Variants in RSPO2 observed in about 807,000 individuals in gnomAD.
RSPO2 encodes R-spondin 2.
RSPO2 carries 14 observed loss-of-function variants against 30.9 expected under a neutral mutation model. The ratio of observed to expected loss-of-function variants is 0.45; its 90% CI spans 0.30 to 0.71. The LOEUF (loss-of-function observed/expected upper bound fraction) is 0.71, where lower values mean the gene tolerates loss of function less well. RSPO2 is among the 30% of genes least tolerant of loss of function. RSPO2 has a pLI of 0.08. For synonymous variants in RSPO2, 107 were observed against 96.4 expected (o/e 1.11, Z -0.64); for missense variants, 264 against 301.9 (o/e 0.87, Z 0.93).
At chr8:107,918,063 AATATCAAGCATAACAGGAGTT>A (rs1812033369) in intron 5 of RSPO2, among the ~76,000 whole-genome samples, 1 of 152,160 alleles carries the variant, frequency 6.6e-6, no homozygotes, top group Admixed American at 6.6e-5. Context: ...AATCTTCATA[AATATCAAGCATAACAGGAGTT>A]AATTGAATGG....
rs1813603953 is a variant in RSPO2 at position 107,960,827 on chromosome 8, A to G, written c.284-10T>C. 6.4e-7 allele frequency: 1 copy of G among 1,551,780 alleles called. No individual in the cohort carries two copies. The highest frequency in any genetic ancestry group is 2.3e-5 in the East Asian group (1 of 43,954). The stretch of plus-strand genomic sequence containing the variant: ...TTTTCTATTCTGCATCCTAAAAACA[A>G]TTTTAAAGAGAAAAAAGAAAATTTC... On this transcript the variant is annotated splice_polypyrimidine_tract_variant and intron_variant, in intron 3 of 5. Coordinates refer to ENST00000276659, the MANE Select transcript of RSPO2 (RefSeq NM_178565.5).
chr8:107,990,884 GAAA>G (rs1814821101), intron 2 of RSPO2, among the ~76,000 whole-genome samples: 1 of 152,108 alleles, frequency 6.6e-6, no homozygotes, highest in Admixed American at 6.6e-5. Context: ...AGAGTATCCA[GAAA>G]TAAGACCACA....
intron 2 of RSPO2, among the ~76,000 whole-genome samples, chr8:107,998,476 T>C (rs896524575): frequency 2.6e-5 from 4 of 152,184 alleles, no homozygotes; most frequent in Non-Finnish European, 5.9e-5. Flanking sequence ...TAGTTTTATA[T>C]AAAATTATAA....
intron 3 of RSPO2, among the ~76,000 whole-genome samples, chr8:107,979,198 T>A (rs1389803796): frequency 6.6e-6 from 1 of 152,232 alleles, no homozygotes; most frequent in African/African-American, 2.4e-5. Flanking sequence ...CCCAAAGGAT[T>A]ATAAATCATG....
intron 1 of RSPO2, 68 bp from the exon 2 acceptor site, chr8:108,082,875 T>G (rs1412843454): frequency 2.0e-6 from 1 of 494,512 alleles, no homozygotes; most frequent in Admixed American, 3.6e-5. Context: ...CAGCTGCGCC[T>G]TCGCACGTCC....
chr8:108,037,712 G>A (rs1416622710), intron 2 of RSPO2, among the ~76,000 whole-genome samples: 2 of 152,172 alleles, frequency 1.3e-5, no homozygotes, highest in Admixed American at 1.3e-4. Context: ...GATTTGAAGT[G>A]GAGGCCAATG....
At chr8:107,946,246 C>T (rs2436997) in intron 5 of RSPO2, among the ~76,000 whole-genome samples, 114,997 of 151,952 alleles carry the variant, frequency 0.76, 43,661 homozygotes, top group East Asian at 0.92. Flanking sequence ...CACTGAAGTT[C>T]AGAGAGATTA....
chr8:108,031,250 A>G (rs1481002486), intron 2 of RSPO2, among the ~76,000 whole-genome samples: 1 of 152,218 alleles, frequency 6.6e-6, no homozygotes, highest in Non-Finnish European at 1.5e-5. Flanking sequence ...GGTACTTAAA[A>G]GATTGCAAAG....
intron 5 of RSPO2, 46 bp from the exon 6 acceptor site, chr8:107,901,236 C>T (rs1376645550): frequency 6.4e-7 from 1 of 1,556,020 alleles, no homozygotes; most frequent in Admixed American, 2.0e-5. Flanking sequence ...ATGGCTCTTT[C>T]TCTAGGAAAG....
chr8:107,935,233 T>C (rs1055220423), intron 5 of RSPO2, among the ~76,000 whole-genome samples: 18 of 152,218 alleles, frequency 1.2e-4, no homozygotes, highest in Admixed American at 2.0e-4. Context: ...GTCTGTCTTA[T>C]ACAGTTGCAG....
chr8:107,989,014 T>C (rs755344329), intron 3 of RSPO2, 42 bp downstream of exon 3: 1 of 1,508,318 alleles, frequency 6.6e-7, no homozygotes, highest in Non-Finnish European at 8.9e-7. Flanking sequence ...TCTCCTAAGT[T>C]GCATATCCAG....
intron 5 of RSPO2, among the ~76,000 whole-genome samples, chr8:107,947,887 G>A (rs954754331): frequency 7.2e-5 from 11 of 152,068 alleles, no homozygotes; most frequent in Admixed American, 2.6e-4. Flanking sequence ...TCTGCGTTTC[G>A]GCCAGGTTCA....
chr8:107,916,023 C>A (rs1586538757), intron 5 of RSPO2, among the ~76,000 whole-genome samples: 1 of 152,006 alleles, frequency 6.6e-6, no homozygotes, highest in Non-Finnish European at 1.5e-5. Context: ...AAGAAACTGG[C>A]AAATGAAAAA....
chr8:107,958,946 A>G (rs1813530270), intron 4 of RSPO2, among the ~76,000 whole-genome samples: 1 of 152,200 alleles, frequency 6.6e-6, no homozygotes, highest in African/African-American at 2.4e-5. Flanking sequence ...GCAGTCTATC[A>G]GTGATGAACA....
chr8:108,019,704 C>T (rs1811000096), intron 2 of RSPO2, among the ~76,000 whole-genome samples: 1 of 152,194 alleles, frequency 6.6e-6, no homozygotes, highest in African/African-American at 2.4e-5. Context: ...GACAAGAACA[C>T]TAGTCAGTCT....
At chr8:107,977,953 A>T (rs966932530) in intron 3 of RSPO2, among the ~76,000 whole-genome samples, 17 of 151,992 alleles carry the variant, frequency 1.1e-4, no homozygotes, top group Non-Finnish European at 2.2e-4. Context: ...TATCTAAAAC[A>T]GACTCAGGTA....
Position 108,053,392 on chromosome 8 carries a change from A to G in RSPO2, c.94+29153T>C, listed in dbSNP as rs564977944. 7.9e-5 allele frequency among the ~76,000 whole-genome samples: 12 copies of G among 152,288 alleles called. No homozygotes were observed. The South Asian group carries it at 8.3e-4, about 11-fold the overall frequency. ...TTCCTCTTGACCAAAAATCCTTCCC[A>G]TCAACAGTTCAATGTCAAACAATGC... On this transcript the variant is annotated intron_variant, in intron 2 of 5. Transcript: ENST00000276659.
intron 5 of RSPO2, among the ~76,000 whole-genome samples, chr8:107,908,921 A>G (rs1811736114): frequency 6.6e-6 from 1 of 152,230 alleles, no homozygotes; most frequent in African/African-American, 2.4e-5. Context: ...TTATAAGAAT[A>G]GAGATGTAAA....
intron 2 of RSPO2, among the ~76,000 whole-genome samples, chr8:108,012,554 T>C (rs925275861): frequency 3.3e-5 from 5 of 152,228 alleles, no homozygotes; most frequent in African/African-American, 1.2e-4. Flanking sequence ...ATTTCAAATA[T>C]CTTTCTATTA....
Sources: allele counts gnomAD v4.1 joint callset (sites outside exome capture counted in the v4.1 genomes callset), GRCh38; gene constraint gnomAD v4.1.1; transcripts MANE v1.5; gene names NCBI Gene and HGNC (gene_info 2026-07-23, HGNC 2026-07-21).